The following PPARGC1A variants were observed in gnomAD, a reference collection of about 807,000 sequenced individuals.
PPARGC1A encodes the protein PPARG coactivator 1 alpha.
PPARGC1A carries 25 observed loss-of-function variants against 88.7 expected under a neutral mutation model. The ratio of observed to expected loss-of-function variants is 0.28; its 90% CI spans 0.21 to 0.39. PPARGC1A has a LOEUF of 0.39. Among genes scored for constraint, PPARGC1A ranks in the 10% least tolerant of loss-of-function variants. The probability of loss-of-function intolerance (pLI) is 1.00; values close to 1 mark genes in which losing one functional copy is unlikely to be tolerated. For synonymous variants in PPARGC1A, 363 were observed against 355.6 expected (o/e 1.02, Z -0.24); for missense variants, 880 against 968.7 (o/e 0.91, Z 1.22).
the PPARGC1A span, among the ~76,000 whole-genome samples, chr4:24,352,681 C>T: frequency 6.6e-6 from 1 of 152,210 alleles, no homozygotes; most frequent in Admixed American, 6.5e-5. Context: ...CCAAACGTCC[C>T]ACTGCCTGCC....
chr4:24,382,329 T>TG, the PPARGC1A span, among the ~76,000 whole-genome samples: 1 of 152,170 alleles, frequency 6.6e-6, no homozygotes, highest in Non-Finnish European at 1.5e-5. Context: ...AACTCAAACT[T>TG]GGGGGAAAAT....
chr4:24,358,629 A>G, the PPARGC1A span, among the ~76,000 whole-genome samples: 1 of 152,242 alleles, frequency 6.6e-6, no homozygotes, highest in Non-Finnish European at 1.5e-5. Flanking sequence ...GTAAATATTC[A>G]AAGATGGTCT....
chr4:23,815,653 A>G (rs1387317224), intron 7 of PPARGC1A, among the ~76,000 whole-genome samples: 1 of 152,044 alleles, frequency 6.6e-6, no homozygotes, highest in Non-Finnish European at 1.5e-5. Context: ...AGTAAGCCCT[A>G]CTCATCCGTT....
At chr4:24,056,536 T>C in the PPARGC1A span, among the ~76,000 whole-genome samples, 1 of 152,252 alleles carries the variant, frequency 6.6e-6, no homozygotes, top group African/African-American at 2.4e-5. Flanking sequence ...GCACTCATTT[T>C]TTTGTTGATC....
In PPARGC1A at chr4:23,813,899, C is replaced by T. The variant is rs3755863; in HGVS notation, c.1584G>A (p.Thr528=). The change falls in exon 8 of 13, where the codon ACG becomes ACA. Residue 528 remains threonine, a synonymous_variant. Coordinates refer to ENST00000264867, the MANE Select transcript of PPARGC1A (RefSeq NM_013261.5). ...ACACATTGAACAATGAATAGGATTG[C>T]GTGCCATCCCAAGGGTAGCTCAGTT... ...SDKLSYPWDG[T]QSYSLFNVSP... is the part of the protein sequence containing the mutation. The T allele has an allele frequency of 0.39, 623,456 of 1,613,140 alleles. 122,909 individuals carry two copies. The highest frequency in any genetic ancestry group is 0.45 in the Middle Eastern group (2,733 of 6,054).
intron 2 of PPARGC1A, among the ~76,000 whole-genome samples, chr4:23,872,606 G>C (rs2148775671): frequency 6.6e-6 from 1 of 152,280 alleles, no homozygotes; most frequent in Non-Finnish European, 1.5e-5. Context: ...CAGACAGATG[G>C]AGAAATTCCC....
At chr4:24,013,950 A>G in the PPARGC1A span, among the ~76,000 whole-genome samples, 1 of 152,222 alleles carries the variant, frequency 6.6e-6, no homozygotes, top group East Asian at 1.9e-4. Context: ...AAGTCTGAAC[A>G]GGAAAGAGCA....
At chr4:24,451,168 A>G in the PPARGC1A span, among the ~76,000 whole-genome samples, 2 of 152,194 alleles carry the variant, frequency 1.3e-5, no homozygotes, top group Non-Finnish European at 2.9e-5. Context: ...CATATACCAT[A>G]AACTTTGCTT....
the PPARGC1A span, among the ~76,000 whole-genome samples, chr4:24,223,801 C>T: frequency 6.6e-6 from 1 of 152,018 alleles, no homozygotes; most frequent in African/African-American, 2.4e-5. Context: ...TAATTTAGGG[C>T]TAAAGTAGAA....
At chr4:23,844,864 T>C (rs1728007469) in intron 2 of PPARGC1A, among the ~76,000 whole-genome samples, 1 of 72,020 alleles carries the variant, frequency 1.4e-5, no homozygotes, top group South Asian at 3.6e-4. Context: ...TAATATATGA[T>C]ATATATTATA....
At chr4:23,937,354 C>T in the PPARGC1A span, among the ~76,000 whole-genome samples, 2 of 152,166 alleles carry the variant, frequency 1.3e-5, no homozygotes, top group Non-Finnish European at 2.9e-5. Flanking sequence ...CTGCTGATCC[C>T]GTCTGTACCA....
chr4:24,286,831 C>A, the PPARGC1A span, among the ~76,000 whole-genome samples: 3 of 152,120 alleles, frequency 2.0e-5, no homozygotes, highest in African/African-American at 7.2e-5. Context: ...CACAAGAAGG[C>A]TACAAGCAAG....
chr4:24,108,932 C>G, the PPARGC1A span, among the ~76,000 whole-genome samples: 1 of 151,684 alleles, frequency 6.6e-6, no homozygotes, highest in Admixed American at 6.6e-5. Flanking sequence ...GAAAAAAGTA[C>G]TAGTGAACTT....
At chr4:24,402,723 G>A in the PPARGC1A span, among the ~76,000 whole-genome samples, 1 of 152,136 alleles carries the variant, frequency 6.6e-6, no homozygotes, top group African/African-American at 2.4e-5. Context: ...CCAAACACTT[G>A]GGAGACAGAG....
chr4:24,123,093 A>T, the PPARGC1A span, among the ~76,000 whole-genome samples: 2 of 152,298 alleles, frequency 1.3e-5, no homozygotes, highest in Middle Eastern at 3.4e-3. Context: ...GTAGGTCCCC[A>T]CTTGTCAAGT....
the PPARGC1A span, among the ~76,000 whole-genome samples, chr4:24,445,588 T>G: frequency 6.6e-6 from 1 of 152,216 alleles, no homozygotes; most frequent in Non-Finnish European, 1.5e-5. Context: ...AGCTTCGCAC[T>G]GAAAGTATTT....
intron 7 of PPARGC1A, among the ~76,000 whole-genome samples, chr4:23,823,591 T>C (rs1426339121): frequency 6.6e-6 from 1 of 152,060 alleles, no homozygotes; most frequent in Non-Finnish European, 1.5e-5. Context: ...ATGTAAGTTA[T>C]AATGTATTTA....
the PPARGC1A span, among the ~76,000 whole-genome samples, chr4:24,164,544 C>T: frequency 6.6e-6 from 1 of 151,526 alleles, no homozygotes; most frequent in African/African-American, 2.4e-5. Flanking sequence ...CTCCATGGTG[C>T]CACATATACA....
the PPARGC1A span, among the ~76,000 whole-genome samples, chr4:24,172,560 A>G: frequency 3.9e-5 from 6 of 152,154 alleles, no homozygotes; most frequent in Non-Finnish European, 8.8e-5. Context: ...CTTGCCCACA[A>G]ATCTGTCTCC....
Sources: gnomAD v4.1 joint callset for allele counts (sites outside exome capture counted in the v4.1 genomes callset) on GRCh38, gnomAD v4.1.1 for gene constraint, MANE v1.5 for transcripts, NCBI Gene and HGNC (gene_info 2026-07-23, HGNC 2026-07-21) for gene names.